CNTN4: variants seen among roughly 807,000 people sequenced by gnomAD.
The protein encoded by CNTN4 is contactin-4.
In CNTN4, 77 loss-of-function variants were observed where a neutral mutation model predicts 122.5. That is an observed-to-expected ratio of 0.63 (90% CI 0.52 to 0.76). The LOEUF (loss-of-function observed/expected upper bound fraction) is 0.76, where lower values mean the gene tolerates loss of function less well. Ranked by LOEUF, CNTN4 falls within the 30% of genes least tolerant of loss-of-function variation. CNTN4 has a pLI of 0.00. For missense variants in CNTN4, 1,256 were observed against 1,259.1 expected (o/e 1.00, Z 0.04); for synonymous variants, 512 against 447.0 (o/e 1.15, Z -1.83).
intron 3 of CNTN4, among the ~76,000 whole-genome samples, chr3:2,345,227 G>A (rs2044357139): frequency 6.6e-6 from 1 of 152,084 alleles, no homozygotes; most frequent in Admixed American, 6.5e-5. Flanking sequence ...GCCTGAAAAT[G>A]TGTGATTCAA....
intron 2 of CNTN4, among the ~76,000 whole-genome samples, chr3:2,236,187 T>C (rs576935683): frequency 1.3e-5 from 2 of 152,316 alleles, no homozygotes; most frequent in South Asian, 4.1e-4. Context: ...GGAGCAGTTG[T>C]TAAGTTTACA....
intron 3 of CNTN4, among the ~76,000 whole-genome samples, chr3:2,545,945 G>A (rs1376382020): frequency 6.6e-6 from 1 of 152,020 alleles, no homozygotes; most frequent in East Asian, 1.9e-4. Flanking sequence ...TTAGATTAAT[G>A]CAAATCAAAA....
intron 3 of CNTN4, among the ~76,000 whole-genome samples, chr3:2,366,280 C>G (rs757417593): frequency 6.6e-6 from 1 of 152,142 alleles, no homozygotes; most frequent in Non-Finnish European, 1.5e-5. Flanking sequence ...AAACTAAATT[C>G]ATCAAATAAT....
intron 3 of CNTN4, among the ~76,000 whole-genome samples, chr3:2,396,628 A>C (rs2046649721): frequency 6.6e-6 from 1 of 151,676 alleles, no homozygotes; most frequent in South Asian, 2.1e-4. Flanking sequence ...AGGCAGCACT[A>C]ATTTTAAAAC....
intron 3 of CNTN4, among the ~76,000 whole-genome samples, chr3:2,521,343 T>TCGACCCCCCCCCCCC (rs781282977): frequency 7.8e-6 from 1 of 128,310 alleles, no homozygotes; most frequent in Non-Finnish European, 1.6e-5. Context: ...CCTCTACCCA[T>TCGACCCCCCCCCCCC]CCCCCCCACC....
chr3:2,106,872 A>T (rs547957972), intron 2 of CNTN4, among the ~76,000 whole-genome samples: 66 of 152,286 alleles, frequency 4.3e-4, no homozygotes, highest in African/African-American at 1.5e-3. Flanking sequence ...CTAATTTCAG[A>T]TCATCACACT....
chr3:2,638,579 A>G (rs956023709), intron 4 of CNTN4, among the ~76,000 whole-genome samples: 2 of 151,866 alleles, frequency 1.3e-5, no homozygotes, highest in African/African-American at 4.8e-5. Flanking sequence ...ATACTTACCT[A>G]TTTTAATTCT....
intron 7 of CNTN4, among the ~76,000 whole-genome samples, chr3:2,863,971 A>G (rs896723708): frequency 2.0e-5 from 3 of 152,204 alleles, no homozygotes; most frequent in Admixed American, 6.5e-5. Context: ...TGCATCTCTC[A>G]CTAAGTTACT....
intron 6 of CNTN4, among the ~76,000 whole-genome samples, chr3:2,754,755 A>G (rs970358103): frequency 1.3e-5 from 2 of 150,392 alleles, no homozygotes; most frequent in East Asian, 2.1e-4. Flanking sequence ...GAAAAAAAAA[A>G]AAAGAAAAGA....
intron 2 of CNTN4, among the ~76,000 whole-genome samples, chr3:2,239,416 C>G (rs1430242452): frequency 6.6e-6 from 1 of 152,136 alleles, no homozygotes; most frequent in Non-Finnish European, 1.5e-5. Flanking sequence ...CCTCAAATCT[C>G]ATACCAAAAA....
intron 2 of CNTN4, among the ~76,000 whole-genome samples, chr3:2,140,829 T>A (rs1456098740): frequency 6.6e-6 from 1 of 152,190 alleles, no homozygotes; most frequent in South Asian, 2.1e-4. Context: ...GAACTGCTTG[T>A]TCATGTGATC....
chr3:2,743,786 G>A (rs2089599691), intron 5 of CNTN4, among the ~76,000 whole-genome samples: 1 of 152,228 alleles, frequency 6.6e-6, no homozygotes, highest in Admixed American at 6.5e-5. Flanking sequence ...GTAGGAGATT[G>A]GACAAAGCTT....
intron 4 of CNTN4, among the ~76,000 whole-genome samples, chr3:2,710,178 T>C (rs1407565365): frequency 6.6e-6 from 1 of 152,168 alleles, no homozygotes; most frequent in Non-Finnish European, 1.5e-5. Flanking sequence ...AATTTTGGTT[T>C]TTAGTTGTGC....
At chr3:3,002,915 A>T (rs1696190815) in intron 14 of CNTN4, among the ~76,000 whole-genome samples, 1 of 152,188 alleles carries the variant, frequency 6.6e-6, no homozygotes. Context: ...TACCATTTAA[A>T]TCGTGTGGGC....
chr3:2,913,233 A>C (rs2094320214), intron 12 of CNTN4, among the ~76,000 whole-genome samples: 1 of 152,226 alleles, frequency 6.6e-6, no homozygotes, highest in South Asian at 2.1e-4. Flanking sequence ...AGACAGAAAG[A>C]GGAGAAAGGG....
At chr3:2,304,295 A>G (rs886573258) in intron 2 of CNTN4, among the ~76,000 whole-genome samples, 1 of 152,178 alleles carries the variant, frequency 6.6e-6, no homozygotes, top group African/African-American at 2.4e-5. Flanking sequence ...CATGTAGCTT[A>G]GTTACAATGC....
chr3:2,225,449 C>T (rs1403587901), intron 2 of CNTN4, among the ~76,000 whole-genome samples: 2 of 151,880 alleles, frequency 1.3e-5, no homozygotes, highest in Non-Finnish European at 2.9e-5. Flanking sequence ...GGTGGCAGAG[C>T]TTGCAGTGAG....
intron 2 of CNTN4, among the ~76,000 whole-genome samples, chr3:2,250,384 A>G (rs1302606911): frequency 1.3e-5 from 2 of 151,940 alleles, no homozygotes; most frequent in African/African-American, 2.4e-5. Flanking sequence ...ACAAAATTAG[A>G]TTAAAATTTC....
chr3:2,978,878 T>C (rs1236849201), intron 13 of CNTN4, among the ~76,000 whole-genome samples: 2 of 152,172 alleles, frequency 1.3e-5, no homozygotes, highest in South Asian at 2.1e-4. Flanking sequence ...CTTACCGAAA[T>C]ATAAGTTAGT....
Sources: gnomAD v4.1 joint callset for allele counts (sites outside exome capture counted in the v4.1 genomes callset) on GRCh38, gnomAD v4.1.1 for gene constraint, MANE v1.5 for transcripts, NCBI Gene and HGNC (gene_info 2026-07-23, HGNC 2026-07-21) for gene names.